Variants in ANAPC10 observed in about 807,000 individuals in gnomAD.
The protein encoded by ANAPC10 is anaphase promoting complex subunit 10.
ANAPC10 carries 12 observed loss-of-function variants against 22.0 expected under a neutral mutation model. The ratio of observed to expected loss-of-function variants is 0.55; its 90% CI spans 0.35 to 0.88. The LOEUF is 0.88. Among genes scored for constraint, ANAPC10 ranks in the 40% least tolerant of loss-of-function variants. ANAPC10 has a pLI of 0.01. For synonymous variants in ANAPC10, 65 were observed against 69.5 expected (o/e 0.94, Z 0.32); for missense variants, 188 against 220.9 (o/e 0.85, Z 0.94).
At chr4:145,096,142 A>T (rs1339211886) in intron 1 of ANAPC10, 31 bp from the exon 2 acceptor site, 1 of 1,598,410 alleles carries the variant, frequency 6.3e-7, no homozygotes. Flanking sequence ...CACACATTGT[A>T]TCAGGAACTG....
intron 4 of ANAPC10, among the ~76,000 whole-genome samples, chr4:145,056,068 T>A (rs752387023): frequency 2.6e-5 from 4 of 152,126 alleles, no homozygotes; most frequent in Non-Finnish European, 5.9e-5. Flanking sequence ...CCAGAGCAAC[T>A]CCATCTTGAA....
intron 3 of ANAPC10, among the ~76,000 whole-genome samples, chr4:145,079,207 A>C (rs1745604151): frequency 6.6e-6 from 1 of 152,178 alleles, no homozygotes. Context: ...CTATTAAAAA[A>C]TGGGCAAAGG....
At chr4:145,081,210 C>A in intron 3 of ANAPC10, among the ~76,000 whole-genome samples, 1 of 149,596 alleles carries the variant, frequency 6.7e-6, no homozygotes, top group Non-Finnish European at 1.5e-5. Flanking sequence ...AGGAAAATGT[C>A]CTTAAAGGTT....
At chr4:145,040,514 A>G (rs765497254) in intron 4 of ANAPC10, among the ~76,000 whole-genome samples, 2 of 152,202 alleles carry the variant, frequency 1.3e-5, no homozygotes, top group Non-Finnish European at 2.9e-5. Flanking sequence ...TTCAGCTACC[A>G]TTCACTGAGC....
chr4:145,038,100 G>A (rs762332572), intron 4 of ANAPC10, among the ~76,000 whole-genome samples: 1 of 151,952 alleles, frequency 6.6e-6, no homozygotes, highest in Admixed American at 6.6e-5. Context: ...TTTAGGAGGC[G>A]TAAAGGGGAG....
chr4:145,016,702 G>A (rs181079056), intron 4 of ANAPC10, among the ~76,000 whole-genome samples: 2 of 152,268 alleles, frequency 1.3e-5, no homozygotes, highest in South Asian at 2.1e-4. Flanking sequence ...GAGGCATCAT[G>A]CTACCTCACT....
intron 4 of ANAPC10, among the ~76,000 whole-genome samples, chr4:145,003,557 T>A (rs1177698075): frequency 6.6e-6 from 1 of 152,176 alleles, no homozygotes; most frequent in African/African-American, 2.4e-5. Context: ...TCTTCTGCCT[T>A]TGGTTAGCCA....
intron 4 of ANAPC10, among the ~76,000 whole-genome samples, chr4:145,045,005 T>C (rs1053381281): frequency 1.3e-5 from 2 of 152,040 alleles, no homozygotes; most frequent in African/African-American, 4.8e-5. Flanking sequence ...TCAGCTATTA[T>C]GCCTACTTTT....
chr4:145,078,502 T>C (rs963563814), intron 3 of ANAPC10, among the ~76,000 whole-genome samples: 1 of 152,020 alleles, frequency 6.6e-6, no homozygotes, highest in East Asian at 1.9e-4. Flanking sequence ...CTACTGACAG[T>C]TTTCACAGAA....
At chr4:145,053,740 T>G (rs115539803) in intron 4 of ANAPC10, 22,965 of 646,906 alleles carry the variant, frequency 0.035, 530 homozygotes, top group Middle Eastern at 0.071. Flanking sequence ...TCCTGAGACT[T>G]GAAGATTCAT....
At position 144,995,168 on chromosome 4, in the gene ANAPC10, T is replaced by C. The variant is rs1255869727; in HGVS notation, c.*205A>G. 8.7e-6 allele frequency: 3 copies of C among 345,866 alleles called. No individual in the cohort carries two copies. Among genetic ancestry groups the C allele is most frequent in the South Asian group, 8.0e-5 (1 of 12,444 alleles). 21.4% of individuals were successfully genotyped at this position (345,866 alleles called of 1,614,324 possible). On this transcript the variant is annotated 3_prime_UTR_variant, in exon 5 of 5. Transcript: ENST00000507656. ...TTGGCTTCAAATCCATTTTTAGTAA[T>C]GTAAAATATGTGAGCTTTATTACAT... is the stretch of plus-strand genomic sequence containing the variant.
chr4:145,080,086 C>T (rs1363025870), intron 3 of ANAPC10, among the ~76,000 whole-genome samples: 1 of 142,724 alleles, frequency 7.0e-6, no homozygotes, highest in African/African-American at 2.6e-5. Flanking sequence ...TGCGCTCCAG[C>T]CTGGGCAACA....
chr4:145,029,047 C>T (rs1737153125), intron 4 of ANAPC10, among the ~76,000 whole-genome samples: 1 of 152,198 alleles, frequency 6.6e-6, no homozygotes, highest in South Asian at 2.1e-4. Flanking sequence ...TGTACAGCCT[C>T]GCCAGGTGTC....
At chr4:145,053,876 T>G (rs927570930) in intron 4 of ANAPC10, 5 of 512,550 alleles carry the variant, frequency 9.8e-6, no homozygotes, top group Non-Finnish European at 1.7e-5. Context: ...TCAGCAAGAT[T>G]TACTGCAGCA....
intron 4 of ANAPC10, among the ~76,000 whole-genome samples, chr4:145,012,387 A>G (rs1025241983): frequency 6.6e-6 from 1 of 151,964 alleles, no homozygotes; most frequent in Non-Finnish European, 1.5e-5. Context: ...GACAATCAGA[A>G]ATGACTATGA....
intron 4 of ANAPC10, among the ~76,000 whole-genome samples, chr4:145,046,322 T>C (rs1350556072): frequency 6.6e-6 from 1 of 152,096 alleles, no homozygotes; most frequent in African/African-American, 2.4e-5. Flanking sequence ...GTATTTCTTT[T>C]TAAAAATACA....
chr4:145,035,391 G>C (rs1027893848), intron 4 of ANAPC10: 1 of 152,214 alleles, frequency 6.6e-6, no homozygotes, highest in Non-Finnish European at 1.5e-5. Context: ...GAGCAAAAGA[G>C]AGGCAGCAGC....
At chr4:145,084,568 T>G (rs1450909444) in intron 2 of ANAPC10, among the ~76,000 whole-genome samples, 1 of 151,532 alleles carries the variant, frequency 6.6e-6, no homozygotes, top group African/African-American at 2.4e-5. Flanking sequence ...ACATTAACAA[T>G]AGTTGATGAG....
At chr4:145,067,547 G>C (rs955142244) in intron 3 of ANAPC10, among the ~76,000 whole-genome samples, 5 of 152,138 alleles carry the variant, frequency 3.3e-5, no homozygotes, top group African/African-American at 1.2e-4. Context: ...TGGTCTAGTG[G>C]TATAACTGGA....
Sources: allele counts gnomAD v4.1 joint callset (sites outside exome capture counted in the v4.1 genomes callset), GRCh38; gene constraint gnomAD v4.1.1; transcripts MANE v1.5; gene names NCBI Gene and HGNC (gene_info 2026-07-23, HGNC 2026-07-21).